Variants in EGFLAM observed in about 807,000 individuals in gnomAD.
EGFLAM encodes the protein EGF like, fibronectin type III and laminin G domains.
In EGFLAM, 79 loss-of-function variants were observed where a neutral mutation model predicts 113.1. That is an observed-to-expected ratio of 0.70 (90% confidence interval 0.58 to 0.84). The LOEUF is 0.84. Among genes scored for constraint, EGFLAM ranks in the 40% least tolerant of loss-of-function variants. The probability of loss-of-function intolerance (pLI) is 0.00; values close to 1 mark genes in which losing one functional copy is unlikely to be tolerated. For missense variants in EGFLAM, 1,265 were observed against 1,291.6 expected (o/e 0.98, Z 0.32); for synonymous variants, 504 against 487.6 (o/e 1.03, Z -0.44).
chr5:38,331,206 C>T (rs1739031866), intron 1 of EGFLAM, among the ~76,000 whole-genome samples: 1 of 152,172 alleles, frequency 6.6e-6, no homozygotes, highest in African/African-American at 2.4e-5. Flanking sequence ...TCAGCATCCC[C>T]TATCAGAGTG....
At chr5:38,305,387 A>C in intron 1 of EGFLAM, 1 of 439,078 alleles carries the variant, frequency 2.3e-6, no homozygotes, top group South Asian at 1.7e-5. Context: ...ATGAAGGATG[A>C]TAGAAGACTC....
At chr5:38,296,104 G>A (rs1160246604) in intron 1 of EGFLAM, among the ~76,000 whole-genome samples, 4 of 152,080 alleles carry the variant, frequency 2.6e-5, no homozygotes, top group Non-Finnish European at 5.9e-5. Context: ...TTTGGGGTGG[G>A]GGTAAGAAAT....
At chr5:38,263,426 C>A (rs934778354) in intron 1 of EGFLAM, among the ~76,000 whole-genome samples, 1 of 152,162 alleles carries the variant, frequency 6.6e-6, no homozygotes, top group African/African-American at 2.4e-5. Context: ...CGCACCACTG[C>A]ACTCCACCCT....
At chr5:38,384,581 C>CACCTGCTGTG (rs1579850029) in intron 6 of EGFLAM, among the ~76,000 whole-genome samples, 1 of 152,168 alleles carries the variant, frequency 6.6e-6, no homozygotes, top group African/African-American at 2.4e-5. Context: ...TGACCGGGAA[C>CACCTGCTGTG]ACCTGCTGTG....
At chr5:38,323,390 C>T (rs1042884679) in intron 1 of EGFLAM, among the ~76,000 whole-genome samples, 2 of 152,196 alleles carry the variant, frequency 1.3e-5, no homozygotes, top group South Asian at 2.1e-4. Flanking sequence ...CTCAAGCATA[C>T]TCTCCCTCAT....
chr5:38,425,645 C>T (rs1271982105), intron 13 of EGFLAM, among the ~76,000 whole-genome samples: 1 of 152,244 alleles, frequency 6.6e-6, no homozygotes, highest in East Asian at 1.9e-4. Flanking sequence ...GCACTTCTTA[C>T]TGCAGGGCAC....
At chr5:38,453,362 G>A (rs1289377648) in intron 19 of EGFLAM, among the ~76,000 whole-genome samples, 1 of 152,200 alleles carries the variant, frequency 6.6e-6, no homozygotes, top group Non-Finnish European at 1.5e-5. Context: ...ACTTAATTCT[G>A]GGGCTTCTGT....
At chr5:38,457,946 G>C (rs1489042288) in intron 19 of EGFLAM, among the ~76,000 whole-genome samples, 1 of 152,054 alleles carries the variant, frequency 6.6e-6, no homozygotes, top group Non-Finnish European at 1.5e-5. Context: ...TCAGGGGCTG[G>C]GGGGAGGGAA....
chr5:38,358,339 C>T (rs1247771857), intron 5 of EGFLAM, among the ~76,000 whole-genome samples: 1 of 143,840 alleles, frequency 7.0e-6, no homozygotes, highest in African/African-American at 2.6e-5. Flanking sequence ...CCCAGCTACT[C>T]GGGAGGCTGA....
intron 1 of EGFLAM, among the ~76,000 whole-genome samples, chr5:38,321,728 T>C (rs1203865632): frequency 6.6e-6 from 1 of 152,072 alleles, no homozygotes; most frequent in Non-Finnish European, 1.5e-5. Flanking sequence ...AGTCAACACT[T>C]GGGCCAGAAG....
chr5:38,278,237 C>T (rs1414069614), intron 1 of EGFLAM, among the ~76,000 whole-genome samples: 4 of 152,218 alleles, frequency 2.6e-5, no homozygotes, highest in East Asian at 1.9e-4. Flanking sequence ...AGTAAATCCA[C>T]ACATTTATAG....
chr5:38,392,330 T>C (rs1398254299), intron 6 of EGFLAM, among the ~76,000 whole-genome samples: 1 of 152,260 alleles, frequency 6.6e-6, no homozygotes, highest in African/African-American at 2.4e-5. Flanking sequence ...GATGTATATG[T>C]ACCAGATTTT....
Position 38,427,045 on chromosome 5 carries a change from T to C in EGFLAM, c.1847T>C (p.Leu616Pro), listed in dbSNP as rs1202984615. ...ACCATTCCTCAGTTCAGAGAGTCTC[T>C]GAGATCTTACGCTGCAACTCCCTGG... Reference protein sequence around the residue: ...TLTIPQFRESLRSYAATPWPL... With the variant: ...TLTIPQFRESPRSYAATPWPL... The change falls in exon 14 of 22, where the codon CTG (leucine) becomes CCG (proline). Residue 616 changes from leucine to proline, a missense_variant. Transcript: ENST00000322350. 1 of 1,614,068 alleles carries C rather than the reference T, an allele frequency of 6.2e-7. No individual in the cohort carries two copies. The highest frequency in any genetic ancestry group is 8.5e-7 in the Non-Finnish European group (1 of 1,179,988).
intron 6 of EGFLAM, among the ~76,000 whole-genome samples, chr5:38,394,570 C>T (rs926576825): frequency 1.7e-4 from 26 of 151,824 alleles, no homozygotes; most frequent in Non-Finnish European, 2.8e-4. Context: ...CCACCACGCC[C>T]GGCTAATTTT....
At chr5:38,408,511 GAAATGACCTGTC>G (rs1741367056) in intron 9 of EGFLAM, among the ~76,000 whole-genome samples, 2 of 152,174 alleles carry the variant, frequency 1.3e-5, no homozygotes, top group Non-Finnish European at 2.9e-5. Flanking sequence ...GAGTCTTCAA[GAAATGACCTGTC>G]TTAGTCTAAG....
intron 19 of EGFLAM, among the ~76,000 whole-genome samples, chr5:38,454,365 C>T (rs1461243520): frequency 6.8e-6 from 1 of 146,598 alleles, no homozygotes; most frequent in African/African-American, 2.8e-5. Flanking sequence ...CCCACGTGGG[C>T]TCATGAGTTA....
chr5:38,373,134 T>A (rs1290779361), intron 6 of EGFLAM, among the ~76,000 whole-genome samples: 1 of 152,218 alleles, frequency 6.6e-6, no homozygotes, highest in African/African-American at 2.4e-5. Flanking sequence ...AGCCAGGCAA[T>A]GTGCTGGGCA....
At chr5:38,377,321 T>C (rs1352445444) in intron 6 of EGFLAM, among the ~76,000 whole-genome samples, 1 of 151,950 alleles carries the variant, frequency 6.6e-6, no homozygotes, top group Non-Finnish European at 1.5e-5. Context: ...TATTATGATT[T>C]TTAGTAGAGA....
intron 6 of EGFLAM, among the ~76,000 whole-genome samples, chr5:38,370,990 G>A (rs1740199795): frequency 6.6e-6 from 1 of 152,296 alleles, no homozygotes; most frequent in South Asian, 2.1e-4. Flanking sequence ...GAACACTTGG[G>A]CCAGTGTTCA....
Sources: gnomAD v4.1 joint callset for allele counts (sites outside exome capture counted in the v4.1 genomes callset) on GRCh38, gnomAD v4.1.1 for gene constraint, MANE v1.5 for transcripts, NCBI Gene and HGNC (gene_info 2026-07-23, HGNC 2026-07-21) for gene names.